The following PSMB2 variants were observed in gnomAD, a reference collection of about 807,000 sequenced individuals.
PSMB2 encodes the protein proteasome 20S subunit beta 2.
In PSMB2, 13 loss-of-function variants were observed where a neutral mutation model predicts 25.7. The observed-to-expected ratio is 0.51, with a 90% CI of 0.33 to 0.80. PSMB2 has a LOEUF of 0.80. Among genes scored for constraint, PSMB2 ranks in the 30% least tolerant of loss-of-function variants. The pLI is 0.02. For missense variants in PSMB2, 202 were observed against 259.0 expected, an observed-to-expected ratio of 0.78 and a Z score of 1.51; for synonymous variants, 87 against 96.2, an observed-to-expected ratio of 0.90 and a Z score of 0.56.
At chr1:35,627,626 A>C (rs966475044) in intron 3 of PSMB2, among the ~76,000 whole-genome samples, 1 of 152,176 alleles carries the variant, frequency 6.6e-6, no homozygotes, top group Non-Finnish European at 1.5e-5. Context: ...TCCAGCCTAG[A>C]TGACAGAGTG....
intron 3 of PSMB2, among the ~76,000 whole-genome samples, chr1:35,623,089 C>T (rs1650740821): frequency 6.6e-6 from 1 of 152,240 alleles, no homozygotes; most frequent in Admixed American, 6.5e-5. Context: ...CAAGGCACAT[C>T]TGTCTCTGGG....
At chr1:35,604,515 C>G (rs1487330125) in intron 5 of PSMB2, among the ~76,000 whole-genome samples, 1 of 152,184 alleles carries the variant, frequency 6.6e-6, no homozygotes, top group African/African-American at 2.4e-5. Context: ...CGTGGTGGCT[C>G]ATGCCTGTAA....
Position 35,615,535 on chromosome 1 carries a change from G to A in PSMB2, c.286-6127C>T, listed in dbSNP as rs947001187. On this transcript the variant is annotated intron_variant, in intron 3 of 5. Coordinates refer to ENST00000373237, the MANE Select transcript of PSMB2 (RefSeq NM_002794.5). ...CATAAATTTTACAGCTAAAGAGAAT[G>A]GTTGTGATAAATACACTGAAACAAC... Among the ~76,000 whole-genome samples the A allele has an allele frequency of 7.2e-5, 11 of 152,338 alleles. No homozygotes were observed. The Middle Eastern group carries it at 0.01, about 141-fold the overall frequency.
intron 4 of PSMB2, among the ~76,000 whole-genome samples, chr1:35,608,807 G>A (rs967268403): frequency 6.6e-6 from 1 of 152,106 alleles, no homozygotes; most frequent in African/African-American, 2.4e-5. Flanking sequence ...TTGTCATGCT[G>A]GGGACCTGTT....
chr1:35,606,904 T>C (rs1295321752), intron 4 of PSMB2, among the ~76,000 whole-genome samples: 1 of 152,154 alleles, frequency 6.6e-6, no homozygotes, highest in East Asian at 1.9e-4. Context: ...GCCACATATC[T>C]ACATTTGACT....
chr1:35,609,851 GATT>G (rs1168870584), intron 3 of PSMB2, among the ~76,000 whole-genome samples: 1 of 152,106 alleles, frequency 6.6e-6, no homozygotes, highest in African/African-American at 2.4e-5. Context: ...ACCCTGATGT[GATT>G]ATTACACATT....
At chr1:35,617,194 G>A (rs1369081595) in intron 3 of PSMB2, among the ~76,000 whole-genome samples, 2 of 152,048 alleles carry the variant, frequency 1.3e-5, no homozygotes, top group African/African-American at 4.8e-5. Context: ...TATAACAGGC[G>A]CACGCCACCA....
rs541056457 is a variant in PSMB2, at chr1:35,623,699, C to T, written c.285+7575G>A. On this transcript the variant is annotated intron_variant, in intron 3 of 5. Transcript: ENST00000373237. The stretch of plus-strand genomic sequence containing the variant: ...AAGGCAAGCCTCGGCATGGGTGAGA[C>T]GGGGGCAAGTAGAGAAGATGAGGCC... 7.2e-5 allele frequency among the ~76,000 whole-genome samples: 11 copies of T among 152,276 alleles called. No homozygotes were observed. The South Asian group carries it at 1.7e-3, about 23-fold the overall frequency.
chr1:35,611,551 C>T (rs992220703), intron 3 of PSMB2, among the ~76,000 whole-genome samples: 5 of 152,054 alleles, frequency 3.3e-5, no homozygotes, highest in Admixed American at 2.6e-4. Context: ...TGGCCGGGCA[C>T]GGTGGCTCAT....
Position 35,628,631 on chromosome 1 carries a change from A to ATTTTTTTT in PSMB2, c.285+2635_285+2642dup, listed in dbSNP as rs138110586. ...TATATATATATATATATATATATAT[A>ATTTTTTTT]TTTTTTTTTTTTTTTTTAAAGAAAA... On this transcript the variant is annotated intron_variant, in intron 3 of 5. Coordinates refer to ENST00000373237, the MANE Select transcript of PSMB2 (RefSeq NM_002794.5). Among the ~76,000 whole-genome samples the ATTTTTTTT allele has an allele frequency of 3.4e-4, 13 of 38,070 alleles. 2 individuals carry two copies. Among genetic ancestry groups the ATTTTTTTT allele is most frequent in the East Asian group, 0.011 (2 of 180 alleles). The allele number at this position is 38,070 out of a possible 152,430, so 25.0% of individuals were successfully genotyped here. A position where few individuals can be genotyped will look rare whatever the true frequency, so the allele number is the denominator to read the frequency against.
chr1:35,633,062 A>T lies in PSMB2; in HGVS notation c.215-1718T>A, dbSNP rs1651147549. ...TAGCGAAACTCTGTCTCTACTTAAA[A>T]TACAAAAAATTAGCCAGGCATGGCG... On this transcript the variant is annotated intron_variant, in intron 2 of 5. Coordinates refer to ENST00000373237, the MANE Select transcript of PSMB2 (RefSeq NM_002794.5). Among the ~76,000 whole-genome samples, 8 of 152,208 alleles carry T rather than the reference A, an allele frequency of 5.3e-5. 1 individual carries two copies. The South Asian group carries it at 1.7e-3, about 32-fold the overall frequency.
chr1:35,607,290 A>T (rs1422547462), intron 4 of PSMB2, among the ~76,000 whole-genome samples: 2 of 152,358 alleles, frequency 1.3e-5, no homozygotes, highest in Middle Eastern at 6.8e-3. Context: ...CTCATCCAAC[A>T]GGGAGTTAAT....
intron 3 of PSMB2, among the ~76,000 whole-genome samples, chr1:35,616,670 AT>A (rs1650498435): frequency 1.3e-5 from 2 of 152,234 alleles, no homozygotes; most frequent in African/African-American, 4.8e-5. Context: ...ATGATGATAG[AT>A]TACCAACACC....
intron 3 of PSMB2, among the ~76,000 whole-genome samples, chr1:35,613,090 A>T (rs561587986): frequency 6.6e-6 from 1 of 152,384 alleles, no homozygotes; most frequent in East Asian, 1.9e-4. Context: ...GGTATTGAAG[A>T]TAACTCACAA....
rs528194281 is a variant in PSMB2, at chr1:35,601,223, C to T, written c.*2044G>A. The T allele has an allele frequency of 1.7e-4, 96 of 567,780 alleles. No individual in the cohort carries two copies. Among genetic ancestry groups the T allele is most frequent in the Non-Finnish European group, 2.1e-4 (93 of 448,940 alleles). The allele number at this position is 567,780 out of a possible 1,614,324, so 35.2% of individuals were successfully genotyped here. On this transcript the variant is annotated 3_prime_UTR_variant, in exon 6 of 6. Coordinates refer to ENST00000373237, the MANE Select transcript of PSMB2 (RefSeq NM_002794.5). ...TTGGGTTTACAGGCGTGTGCCACCACGCCTGGCTAATTGTTATATATTTTT... is the reference window on the plus strand; with the variant it reads ...TTGGGTTTACAGGCGTGTGCCACCATGCCTGGCTAATTGTTATATATTTTT...
intron 3 of PSMB2, among the ~76,000 whole-genome samples, chr1:35,625,705 T>C (rs939112932): frequency 1.3e-5 from 2 of 149,500 alleles, no homozygotes; most frequent in African/African-American, 4.9e-5. Context: ...GAGCTTGCAG[T>C]GAGCCGAGAT....
chr1:35,631,576 G>C, intron 2 of PSMB2: 1 of 1,167,858 alleles, frequency 8.6e-7, no homozygotes, highest in Non-Finnish European at 1.1e-6. Flanking sequence ...CAGTTCTATA[G>C]TGGAATGAAA....
intron 5 of PSMB2, among the ~76,000 whole-genome samples, chr1:35,604,705 C>T (rs1450500040): frequency 3.9e-5 from 6 of 152,130 alleles, no homozygotes; most frequent in Non-Finnish European, 8.8e-5. Context: ...TGCTTGAACC[C>T]AGAGGCGGAG....
At chr1:35,611,382 G>A (rs1044574523) in intron 3 of PSMB2, among the ~76,000 whole-genome samples, 3 of 151,952 alleles carry the variant, frequency 2.0e-5, no homozygotes, top group Admixed American at 1.3e-4. Flanking sequence ...TTGTTCTGTC[G>A]CCCAGGCTGG....
Sources: gnomAD v4.1 joint callset for allele counts (sites outside exome capture counted in the v4.1 genomes callset) on GRCh38, gnomAD v4.1.1 for gene constraint, MANE v1.5 for transcripts, NCBI Gene and HGNC (gene_info 2026-07-23, HGNC 2026-07-21) for gene names.